SLIT3: variants seen among roughly 807,000 people sequenced by gnomAD.
The protein encoded by SLIT3 is slit guidance ligand 3, also known as slit homolog 3 protein.
In SLIT3, 68 loss-of-function variants were observed where a neutral mutation model predicts 184.0. The observed-to-expected ratio is 0.37, with a 90% CI of 0.30 to 0.45. SLIT3 has a LOEUF of 0.45. SLIT3 is among the 20% of genes least tolerant of loss of function. The pLI, the probability that SLIT3 is intolerant of heterozygous loss-of-function variation, is 1.00. For missense variants in SLIT3, 1,707 were observed against 2,026.0 expected (o/e 0.84, Z 3.02); for synonymous variants, 831 against 828.6 (o/e 1.00, Z -0.05).
chr5:168,976,114 G>A (rs75889199), intron 4 of SLIT3, among the ~76,000 whole-genome samples: 1 of 152,278 alleles, frequency 6.6e-6, no homozygotes, highest in East Asian at 1.9e-4. Context: ...TTTCATTCAT[G>A]ATCTCACTCA....
chr5:168,765,329 T>G (rs915860101), intron 14 of SLIT3, among the ~76,000 whole-genome samples: 1 of 152,234 alleles, frequency 6.6e-6, no homozygotes, highest in Non-Finnish European at 1.5e-5. Context: ...GAAATGATTT[T>G]GCAATTAGAT....
intron 4 of SLIT3, among the ~76,000 whole-genome samples, chr5:169,113,502 G>A (rs928311273): frequency 4.6e-5 from 7 of 152,032 alleles, no homozygotes; most frequent in East Asian, 3.9e-4. Context: ...TTTTGGCTAC[G>A]TAATTAATGA....
At chr5:168,789,673 G>T in intron 10 of SLIT3, 42 bp from the exon 11 acceptor site, 1 of 1,473,370 alleles carries the variant, frequency 6.8e-7, no homozygotes, top group Non-Finnish European at 9.5e-7. Context: ...TGGCTCAAAG[G>T]TGCGATAACG....
In SLIT3 at chr5:168,670,043, T is replaced by C. The variant is rs1242314039; in HGVS notation, c.4128-52A>G. 5 of 1,525,328 alleles carry C rather than the reference T, an allele frequency of 3.3e-6. No individual in the cohort carries two copies. The Admixed American group carries it at 7.0e-5, about 21-fold the overall frequency. 94.5% of individuals were successfully genotyped at this position (1,525,328 alleles called of 1,614,324 possible). ...GGAACTGGATCAGAGTTGGTGCTGC[T>C]GGGGACTCCCTCTGTCCACCCAGCC... On this transcript the variant is annotated intron_variant, in intron 34 of 35. Coordinates refer to ENST00000519560, the MANE Select transcript of SLIT3 (RefSeq NM_003062.4).
chr5:169,021,281 G>T (rs779689795), intron 4 of SLIT3, among the ~76,000 whole-genome samples: 2 of 152,186 alleles, frequency 1.3e-5, no homozygotes, highest in Non-Finnish European at 2.9e-5. Flanking sequence ...GCAAGGGGCA[G>T]GTTCTGGGCT....
intron 4 of SLIT3, among the ~76,000 whole-genome samples, chr5:169,086,428 A>G (rs952607599): frequency 3.3e-5 from 5 of 152,228 alleles, no homozygotes; most frequent in African/African-American, 4.8e-5. Context: ...TATAACACCA[A>G]TGAGATTCCT....
chr5:168,705,755 G>C (rs1253626918), intron 26 of SLIT3, among the ~76,000 whole-genome samples: 1 of 152,186 alleles, frequency 6.6e-6, no homozygotes, highest in African/African-American at 2.4e-5. Flanking sequence ...GTCAGGTCAT[G>C]CTTCATAGTA....
intron 4 of SLIT3, among the ~76,000 whole-genome samples, chr5:168,915,583 G>T (rs940064017): frequency 1.3e-5 from 2 of 151,622 alleles, no homozygotes; most frequent in Admixed American, 6.6e-5. Context: ...TTTATTATGC[G>T]AACATATCCA....
intron 4 of SLIT3, among the ~76,000 whole-genome samples, chr5:169,044,587 TG>T (rs57256659): frequency 0.4 from 28,390 of 70,540 alleles, 3,172 homozygotes; most frequent in East Asian, 0.56. Flanking sequence ...TGGAGGAAGG[TG>T]GGGGGGGGGA....
chr5:168,949,906 C>T lies in SLIT3; in HGVS notation c.414-66570G>A, dbSNP rs530524757. Among the ~76,000 whole-genome samples the T allele has an allele frequency of 5.3e-5, 8 of 152,308 alleles. No individual in the cohort carries two copies. The South Asian group carries it at 1.2e-3, about 24-fold the overall frequency. ...CATGCCTGGCCAAGATGAATCTTTT[C>T]TAGGTTTAGATTCAGAAACCAGTGT... is the stretch of plus-strand genomic sequence containing the variant. On this transcript the variant is annotated intron_variant, in intron 4 of 35. Coordinates refer to ENST00000519560, the MANE Select transcript of SLIT3 (RefSeq NM_003062.4).
At chr5:169,237,234 T>C (rs1765233561) in intron 3 of SLIT3, among the ~76,000 whole-genome samples, 1 of 152,232 alleles carries the variant, frequency 6.6e-6, no homozygotes, top group Non-Finnish European at 1.5e-5. Flanking sequence ...CCCACTCTCC[T>C]ACATGACTTT....
At chr5:168,872,078 G>C (rs1759542935) in intron 5 of SLIT3, among the ~76,000 whole-genome samples, 1 of 152,182 alleles carries the variant, frequency 6.6e-6, no homozygotes. Flanking sequence ...CTGTCCTGCT[G>C]ACCTGCTCTA....
intron 4 of SLIT3, among the ~76,000 whole-genome samples, chr5:169,108,650 T>C (rs11950283): frequency 6.6e-6 from 1 of 151,970 alleles, no homozygotes; most frequent in Non-Finnish European, 1.5e-5. Flanking sequence ...TTTAATGCTC[T>C]TGGTGGATGG....
intron 4 of SLIT3, among the ~76,000 whole-genome samples, chr5:168,901,894 G>A (rs930100344): frequency 1.3e-5 from 2 of 152,118 alleles, no homozygotes; most frequent in African/African-American, 4.8e-5. Flanking sequence ...CTAGTGCTCT[G>A]CCCATAGTTG....
At chr5:168,975,202 G>A (rs1278165908) in intron 4 of SLIT3, among the ~76,000 whole-genome samples, 2 of 152,120 alleles carry the variant, frequency 1.3e-5, no homozygotes, top group South Asian at 2.1e-4. Flanking sequence ...GGAGGTGGAG[G>A]AGCAAGTAAA....
chr5:168,766,519 C>T (rs1247948942), intron 14 of SLIT3, among the ~76,000 whole-genome samples: 1 of 152,230 alleles, frequency 6.6e-6, no homozygotes, highest in Non-Finnish European at 1.5e-5. Flanking sequence ...GGCAGGGAGC[C>T]GTCCTAGTAA....
intron 5 of SLIT3, among the ~76,000 whole-genome samples, chr5:168,873,492 G>C: frequency 6.6e-6 from 1 of 151,882 alleles, no homozygotes; most frequent in African/African-American, 2.4e-5. Context: ...TTAGCCGGGT[G>C]TGGTGGCTCA....
At chr5:169,022,589 T>C (rs1002003684) in intron 4 of SLIT3, among the ~76,000 whole-genome samples, 1 of 152,188 alleles carries the variant, frequency 6.6e-6, no homozygotes, top group Non-Finnish European at 1.5e-5. Flanking sequence ...ACAAAAATGA[T>C]CCTGTAGCTA....
intron 4 of SLIT3, among the ~76,000 whole-genome samples, chr5:169,028,313 G>A (rs762989798): frequency 1.7e-4 from 26 of 152,012 alleles, no homozygotes; most frequent in South Asian, 8.3e-4. Flanking sequence ...CTAGAACTGC[G>A]TCTACTCTTA....
Sources: gnomAD v4.1 joint callset for allele counts (sites outside exome capture counted in the v4.1 genomes callset) on GRCh38, gnomAD v4.1.1 for gene constraint, MANE v1.5 for transcripts, NCBI Gene and HGNC (gene_info 2026-07-23, HGNC 2026-07-21) for gene names.